The following PPP2R2C variants were observed in gnomAD, a reference collection of about 807,000 sequenced individuals.
PPP2R2C encodes the protein protein phosphatase 2 regulatory subunit Bgamma, also known as protein phosphatase 2, regulatory subunit B, gamma.
A neutral mutation model predicts 45.3 loss-of-function variants in PPP2R2C; 10 were observed. The ratio of observed to expected loss-of-function variants is 0.22; its 90% CI spans 0.14 to 0.37. PPP2R2C has a LOEUF of 0.37. PPP2R2C is among the 10% of genes least tolerant of loss of function. The pLI is 1.00. For synonymous variants in PPP2R2C, 257 were observed against 245.4 expected (o/e 1.05, Z -0.44); for missense variants, 308 against 619.7 (o/e 0.50, Z 5.34).
chr4:6,422,617 A>C (rs1236278483), intron 1 of PPP2R2C, among the ~76,000 whole-genome samples: 1 of 152,226 alleles, frequency 6.6e-6, no homozygotes, highest in Non-Finnish European at 1.5e-5. Context: ...CCTGGCTTGC[A>C]GATGGCTGTC....
At chr4:6,366,478 G>A (rs1714318162) in intron 5 of PPP2R2C, among the ~76,000 whole-genome samples, 1 of 152,240 alleles carries the variant, frequency 6.6e-6, no homozygotes, top group Non-Finnish European at 1.5e-5. Flanking sequence ...AGCAGGGGAT[G>A]CAGAGAGGCC....
chr4:6,447,748 C>T lies in PPP2R2C; in HGVS notation c.70+24412G>A, dbSNP rs1157010732. On this transcript the variant is annotated intron_variant, in intron 1 of 8. Transcript: ENST00000382599. ...CTGGGGTCAAAGTCAGGGTCTACCT[C>T]GTAGGAACAGCGTGACCTGCACAAG... Among the ~76,000 whole-genome samples the T allele has an allele frequency of 2.0e-5, 3 of 152,130 alleles. No homozygotes were observed. The South Asian group carries it at 6.2e-4, about 32-fold the overall frequency.
chr4:6,402,903 G>A (rs1346185953), intron 1 of PPP2R2C, among the ~76,000 whole-genome samples: 1 of 152,256 alleles, frequency 6.6e-6, no homozygotes, highest in Non-Finnish European at 1.5e-5. Context: ...ACGGCAGACA[G>A]AGGCCTCAAC....
At chr4:6,386,419 A>G (rs1716218259) in intron 1 of PPP2R2C, among the ~76,000 whole-genome samples, 1 of 152,220 alleles carries the variant, frequency 6.6e-6, no homozygotes, top group Non-Finnish European at 1.5e-5. Context: ...GAGGGGGCAA[A>G]TAAACTCTGC....
At chr4:6,530,671 T>G (rs1318139850) in intron 2 of PPP2R2C, among the ~76,000 whole-genome samples, 1 of 152,172 alleles carries the variant, frequency 6.6e-6, no homozygotes, top group Non-Finnish European at 1.5e-5. Flanking sequence ...AATCAACTTC[T>G]CTCAGCCTCA....
chr4:6,495,675 G>A (rs1722859194), intron 2 of PPP2R2C, among the ~76,000 whole-genome samples: 1 of 152,226 alleles, frequency 6.6e-6, no homozygotes, highest in African/African-American at 2.4e-5. Flanking sequence ...CCTTCCTCCA[G>A]GGGATGTGGT....
intron 2 of PPP2R2C, among the ~76,000 whole-genome samples, chr4:6,518,922 T>TGAAAAA (rs1354788203): frequency 1.1e-5 from 1 of 92,902 alleles, no homozygotes; most frequent in African/African-American, 6.2e-5. Flanking sequence ...GACTCTGTCT[T>TGAAAAA]AAAAAAAAAA....
At chr4:6,443,496 C>T (rs1360400577) in intron 1 of PPP2R2C, among the ~76,000 whole-genome samples, 1 of 152,202 alleles carries the variant, frequency 6.6e-6, no homozygotes, top group Non-Finnish European at 1.5e-5. Flanking sequence ...GCGTGAGTCA[C>T]CCCCTTCCGT....
rs1168808357 is a variant in PPP2R2C, at chr4:6,378,663, A to T, written c.169-91T>A. On this transcript the variant is annotated intron_variant, in intron 2 of 8. Coordinates refer to ENST00000382599, the MANE Select transcript of PPP2R2C (RefSeq NM_020416.4). This position sits in a 1 kb window ranked among gnomAD's most constrained non-coding sequence, Gnocchi z 5.2. ...GGGACCCAGCAGGGCCGGCCGTGGG[A>T]CCAAGTGCCGAGCCGTGCCAGGGAT... is the stretch of plus-strand genomic sequence containing the variant. The T allele has an allele frequency of 1.1e-5, 15 of 1,379,534 alleles. No individual in the cohort carries two copies. The highest frequency in any genetic ancestry group is 1.4e-5 in the African/African-American group (1 of 69,044). 85.5% of individuals were successfully genotyped at this position (1,379,534 alleles called of 1,614,324 possible). A position where few individuals can be genotyped will look rare whatever the true frequency, so the allele number is the denominator to read the frequency against.
chr4:6,544,049 G>A (rs1299979507), intron 1 of PPP2R2C, among the ~76,000 whole-genome samples: 2 of 152,114 alleles, frequency 1.3e-5, no homozygotes, highest in Non-Finnish European at 2.9e-5. Flanking sequence ...AAGAAGCCCA[G>A]TGTCCCCTAC....
intron 2 of PPP2R2C, among the ~76,000 whole-genome samples, chr4:6,480,705 C>A (rs1288089923): frequency 6.6e-6 from 1 of 152,204 alleles, no homozygotes; most frequent in East Asian, 1.9e-4. Flanking sequence ...CTGAGTCATA[C>A]TGGTGACATT....
chr4:6,484,103 T>C (rs370421294), intron 2 of PPP2R2C, among the ~76,000 whole-genome samples: 10 of 152,184 alleles, frequency 6.6e-5, no homozygotes, highest in East Asian at 5.8e-4. Flanking sequence ...CACCTCCTCT[T>C]CTAGAAGTTT....
At chr4:6,384,154 A>G (rs1281767261) in intron 1 of PPP2R2C, 4 of 985,388 alleles carry the variant, frequency 4.1e-6, no homozygotes. Context: ...TGGCCCAGGG[A>G]CACCCAGACA....
intron 1 of PPP2R2C, among the ~76,000 whole-genome samples, chr4:6,539,641 C>G (rs749357011): frequency 4.6e-5 from 7 of 152,200 alleles, no homozygotes; most frequent in Non-Finnish European, 8.8e-5. Context: ...CAAGCCCAGA[C>G]TACAGAAGCG....
At chr4:6,415,595 C>A (rs1003346013) in intron 1 of PPP2R2C, among the ~76,000 whole-genome samples, 1 of 152,158 alleles carries the variant, frequency 6.6e-6, no homozygotes, top group African/African-American at 2.4e-5. Context: ...ATTCCAGATA[C>A]CAGAGCAGCC....
At chr4:6,550,446 C>T (rs373585526) in intron 1 of PPP2R2C, among the ~76,000 whole-genome samples, 28 of 152,354 alleles carry the variant, frequency 1.8e-4, no homozygotes, top group East Asian at 7.7e-4. Flanking sequence ...CCTTCACTAA[C>T]AAGCCATGCA....
At chr4:6,502,075 C>T (rs560589098) in intron 2 of PPP2R2C, among the ~76,000 whole-genome samples, 7 of 152,316 alleles carry the variant, frequency 4.6e-5, no homozygotes, top group Admixed American at 1.3e-4. Flanking sequence ...CTGTTCCACG[C>T]GATCTGGAGC....
At chr4:6,452,424 C>T (rs1313821699) in intron 1 of PPP2R2C, among the ~76,000 whole-genome samples, 4 of 152,180 alleles carry the variant, frequency 2.6e-5, no homozygotes, top group African/African-American at 7.2e-5. Context: ...CCGTCTGGGG[C>T]CTGGACCCTC....
intron 1 of PPP2R2C, among the ~76,000 whole-genome samples, chr4:6,468,054 A>G (rs920576015): frequency 1.3e-5 from 2 of 152,174 alleles, no homozygotes; most frequent in African/African-American, 4.8e-5. Flanking sequence ...ATGGCCTGAG[A>G]TCTCTTACTA....
Sources: gnomAD v4.1 joint callset for allele counts (sites outside exome capture counted in the v4.1 genomes callset) on GRCh38, gnomAD v4.1.1 for gene constraint, Gnocchi (gnomAD v3.1) non-coding constraint, MANE v1.5 for transcripts, NCBI Gene and HGNC (gene_info 2026-07-23, HGNC 2026-07-21) for gene names.